Variants in SH3GL2 observed in about 807,000 individuals in gnomAD.
The protein encoded by SH3GL2 is endophilin-A1.
Under a neutral mutation model 46.0 loss-of-function variants are expected in SH3GL2, and 24 were observed. The observed-to-expected ratio is 0.52, with a 90% CI of 0.38 to 0.73. SH3GL2 has a LOEUF of 0.73. Ranked by LOEUF, SH3GL2 falls within the 30% of genes least tolerant of loss-of-function variation. SH3GL2 has a pLI of 0.00. For synonymous variants in SH3GL2, 196 were observed against 147.1 expected, an observed-to-expected ratio of 1.33 and a Z score of -2.40; for missense variants, 413 against 424.2, an observed-to-expected ratio of 0.97 and a Z score of 0.23.
rs545475537 is a variant in SH3GL2 at position 17,712,921 on chromosome 9, C to T, written c.46-34145C>T. On this transcript the variant is annotated intron_variant, in intron 1 of 8. Coordinates refer to ENST00000380607, the MANE Select transcript of SH3GL2 (RefSeq NM_003026.5). ...TACAATGTCCAATAGAAATAGTAAGCGTGAACATCCTTGTGAACATTCTTG... is the reference window on the plus strand; with the variant it reads ...TACAATGTCCAATAGAAATAGTAAGTGTGAACATCCTTGTGAACATTCTTG... Among the ~76,000 whole-genome samples the T allele has an allele frequency of 9.6e-5, 12 of 125,426 alleles. No homozygotes were observed. In the East Asian group the frequency reaches 2.1e-3, roughly 22 times the overall value. The allele number at this position is 125,426 out of a possible 152,430, so 82.3% of individuals were successfully genotyped here.
chr9:17,610,048 A>C (rs1818830717), intron 1 of SH3GL2, among the ~76,000 whole-genome samples: 1 of 152,144 alleles, frequency 6.6e-6, no homozygotes, highest in Non-Finnish European at 1.5e-5. Flanking sequence ...AAATCGGTCA[A>C]TGTATTGTCA....
intron 1 of SH3GL2, among the ~76,000 whole-genome samples, chr9:17,614,323 A>AAAAAAAAACT (rs1818938821): frequency 6.8e-6 from 1 of 146,774 alleles, no homozygotes; most frequent in African/African-American, 2.5e-5. Flanking sequence ...AAAAAAAAAA[A>AAAAAAAAACT]TCCTTGCCCC....
intron 1 of SH3GL2, among the ~76,000 whole-genome samples, chr9:17,691,379 T>G (rs545605097): frequency 6.6e-6 from 1 of 152,300 alleles, no homozygotes; most frequent in East Asian, 1.9e-4. Flanking sequence ...TGTGTCTCTT[T>G]TAAATTTGTT....
chr9:17,596,186 A>T (rs1563775421), intron 1 of SH3GL2, among the ~76,000 whole-genome samples: 1 of 152,156 alleles, frequency 6.6e-6, no homozygotes, highest in Non-Finnish European at 1.5e-5. Flanking sequence ...CTATTGGAAC[A>T]CCTGCCCTGC....
chr9:17,612,968 A>AT (rs539889001), intron 1 of SH3GL2, among the ~76,000 whole-genome samples: 2 of 151,884 alleles, frequency 1.3e-5, no homozygotes, highest in African/African-American at 4.8e-5. Context: ...TAGTGTCTGA[A>AT]TTTTTTTCAC....
chr9:17,679,871 C>T (rs1820722441), intron 1 of SH3GL2, among the ~76,000 whole-genome samples: 1 of 152,164 alleles, frequency 6.6e-6, no homozygotes, highest in South Asian at 2.1e-4. Flanking sequence ...GCCTTTTCTG[C>T]ATCTCTTGAG....
At chr9:17,788,102 T>A (rs1824014119) in intron 5 of SH3GL2, among the ~76,000 whole-genome samples, 1 of 152,004 alleles carries the variant, frequency 6.6e-6, no homozygotes, top group Non-Finnish European at 1.5e-5. Flanking sequence ...GTTTGCTCAC[T>A]TTTTTTTATC....
chr9:17,773,574 C>T (rs1823555204), intron 3 of SH3GL2, among the ~76,000 whole-genome samples: 3 of 152,050 alleles, frequency 2.0e-5, no homozygotes, highest in African/African-American at 7.2e-5. Context: ...TATTATTTCT[C>T]GTGAGTGGTC....
At chr9:17,619,632 T>A (rs1819086413) in intron 1 of SH3GL2, among the ~76,000 whole-genome samples, 1 of 151,264 alleles carries the variant, frequency 6.6e-6, no homozygotes, top group African/African-American at 2.4e-5. Flanking sequence ...GAGCCAAGAG[T>A]CACCATTGCG....
chr9:17,761,297 C>T (rs975450448), intron 2 of SH3GL2, 140 bp from the exon 3 acceptor site: 2 of 652,566 alleles, frequency 3.1e-6, no homozygotes, highest in East Asian at 2.7e-5. Context: ...CTTCCAGCCG[C>T]GTCTCAGCCT....
rs1819781790 is a variant in SH3GL2, at chr9:17,645,182, T to TTTTTTTTTTTTTTTTTTTTTTTTA, written c.45+65895_45+65896insTTTTTTTTTTTTTTTTTTTTTTTA. 3.4e-4 allele frequency among the ~76,000 whole-genome samples: 25 copies of TTTTTTTTTTTTTTTTTTTTTTTTA among 72,758 alleles called. 2 individuals are homozygous for TTTTTTTTTTTTTTTTTTTTTTTTA. The highest frequency in any genetic ancestry group is 5.7e-4 in the South Asian group (1 of 1,766). The allele number at this position is 72,758 out of a possible 152,430, so 47.7% of individuals were successfully genotyped here. A position where few individuals can be genotyped will look rare whatever the true frequency, so the allele number is the denominator to read the frequency against. Reference sequence around the variant, plus strand: ...TTTTTTTTTTTTTTTTTTTTTTTTTTGCTTTCCATTGCTTGGTAAATCTTC... The same window carrying TTTTTTTTTTTTTTTTTTTTTTTTA: ...TTTTTTTTTTTTTTTTTTTTTTTTTTTTTTTTTTTTTTTTTTTTTTTTTAGCTTTCCATTGCTTGGTAAATCTTC... On this transcript the variant is annotated intron_variant, in intron 1 of 8. Coordinates refer to ENST00000380607, the MANE Select transcript of SH3GL2 (RefSeq NM_003026.5).
At chr9:17,720,669 G>A (rs1821873604) in intron 1 of SH3GL2, among the ~76,000 whole-genome samples, 1 of 152,082 alleles carries the variant, frequency 6.6e-6, no homozygotes, top group African/African-American at 2.4e-5. Context: ...TAAGGAGGCA[G>A]TTTTAGGCTA....
intron 1 of SH3GL2, among the ~76,000 whole-genome samples, chr9:17,649,307 A>G (rs1200715759): frequency 6.6e-6 from 1 of 152,104 alleles, no homozygotes; most frequent in East Asian, 1.9e-4. Flanking sequence ...CCTTAAGCGA[A>G]CCACCTGCCT....
At chr9:17,780,415 C>T (rs1264446619) in intron 3 of SH3GL2, among the ~76,000 whole-genome samples, 2 of 151,916 alleles carry the variant, frequency 1.3e-5, no homozygotes, top group South Asian at 4.1e-4. Flanking sequence ...TGTCCATTTT[C>T]TCCACTGATG....
At chr9:17,718,715 G>C (rs1245055347) in intron 1 of SH3GL2, among the ~76,000 whole-genome samples, 1 of 152,120 alleles carries the variant, frequency 6.6e-6, no homozygotes, top group Non-Finnish European at 1.5e-5. Flanking sequence ...GGGTGACAGA[G>C]TGAGACCCTG....
At chr9:17,644,924 G>T (rs377641826) in intron 1 of SH3GL2, among the ~76,000 whole-genome samples, 20 of 117,532 alleles carry the variant, frequency 1.7e-4, no homozygotes, top group African/African-American at 4.9e-4. Flanking sequence ...ACAGTGGGGT[G>T]TTAAAGTCTC....
At chr9:17,774,590 G>A (rs1287442423) in intron 3 of SH3GL2, among the ~76,000 whole-genome samples, 1 of 151,832 alleles carries the variant, frequency 6.6e-6, no homozygotes, top group Admixed American at 6.6e-5. Flanking sequence ...TGAGGTATTA[G>A]ATGGACCCAT....
chr9:17,715,809 C>T (rs757084334), intron 1 of SH3GL2, among the ~76,000 whole-genome samples: 1 of 151,950 alleles, frequency 6.6e-6, no homozygotes, highest in Non-Finnish European at 1.5e-5. Context: ...ATAGCTTAGC[C>T]TAGCCTACCT....
chr9:17,581,483 C>G (rs955195701), intron 1 of SH3GL2, among the ~76,000 whole-genome samples: 2 of 152,178 alleles, frequency 1.3e-5, no homozygotes, highest in African/African-American at 4.8e-5. Context: ...GGTGACTGTT[C>G]TGTGCATATG....
Sources: gnomAD v4.1 joint callset for allele counts (sites outside exome capture counted in the v4.1 genomes callset) on GRCh38, gnomAD v4.1.1 for gene constraint, MANE v1.5 for transcripts, NCBI Gene and HGNC (gene_info 2026-07-23, HGNC 2026-07-21) for gene names.